The following EMID1 variants were observed in gnomAD, a reference collection of about 807,000 sequenced individuals.
EMID1 encodes the protein EMI domain containing 1.
EMID1 carries 40 observed loss-of-function variants against 60.6 expected under a neutral mutation model. The observed-to-expected ratio is 0.66, with a 90% CI of 0.51 to 0.86. The LOEUF (loss-of-function observed/expected upper bound fraction) is 0.86. Among genes scored for constraint, EMID1 ranks in the 40% least tolerant of loss-of-function variants. The pLI, the probability that EMID1 is intolerant of heterozygous loss-of-function variation, is 0.00. For synonymous variants in EMID1, 242 were observed against 231.0 expected, an observed-to-expected ratio of 1.05 and a Z score of -0.43; for missense variants, 585 against 597.1, an observed-to-expected ratio of 0.98 and a Z score of 0.21.
At chr22:29,223,123 T>C (rs963511790) in intron 3 of EMID1, among the ~76,000 whole-genome samples, 1 of 152,122 alleles carries the variant, frequency 6.6e-6, no homozygotes, top group Non-Finnish European at 1.5e-5. Context: ...ATGAGGCCCA[T>C]GAGGTCCTAC....
chr22:29,232,644 A>C, intron 8 of EMID1: 1 of 472,748 alleles, frequency 2.1e-6, no homozygotes, highest in Non-Finnish European at 3.7e-6. Context: ...ACGGCTTCAA[A>C]CCCAGGCTGC....
intron 5 of EMID1, among the ~76,000 whole-genome samples, chr22:29,227,781 C>T (rs901542784): frequency 1.3e-5 from 2 of 151,200 alleles, no homozygotes; most frequent in African/African-American, 2.4e-5. Context: ...TTTGAGAGGC[C>T]GAGCCGGGTG....
In EMID1 at chr22:29,234,152, ACT is replaced by A; in HGVS notation, c.983_984del (p.Thr328ArgfsTer36). On this transcript the variant is annotated frameshift_variant, in exon 11 of 15. Coordinates refer to ENST00000334018, the MANE Select transcript of EMID1 (RefSeq NM_133455.4). LOFTEE classifies it high-confidence loss of function. ...SPGHIGPPGPTGPKGISGHPG... is the reference protein window; with the variant it reads ...SPGHIGPPGPXGPKGISGHPG... ...TGTTGCTCAGGGACCCCCAGGCCCC[ACT>A]GGACCCAAAGGAATCTCTGGCCACC... The A allele has an allele frequency of 6.3e-7, 1 of 1,595,488 alleles. No individual in the cohort carries two copies. Among genetic ancestry groups the A allele is most frequent in the Admixed American group, 1.7e-5 (1 of 57,432 alleles).
chr22:29,236,629 T>G (rs575077633), intron 12 of EMID1, among the ~76,000 whole-genome samples: 4 of 151,880 alleles, frequency 2.6e-5, no homozygotes, highest in African/African-American at 9.7e-5. Flanking sequence ...AGGCGGAGGT[T>G]GCAGTGGGCC....
intron 3 of EMID1, chr22:29,216,311 C>T (rs1166839411): frequency 1.0e-6 from 1 of 985,316 alleles, no homozygotes; most frequent in African/African-American, 1.7e-5. Context: ...AGAACCCTCT[C>T]CTCTCCTCCA....
chr22:29,233,987 G>C, intron 10 of EMID1, 150 bp from the exon 11 acceptor site: 1 of 829,972 alleles, frequency 1.2e-6, no homozygotes, highest in Non-Finnish European at 1.9e-6. Context: ...ACACTGAGCT[G>C]TATGAACTGA....
chr22:29,232,417 G>C lies in EMID1; in HGVS notation c.823+15G>C, dbSNP rs1261661370. 1 of 1,546,906 alleles carries C rather than the reference G, an allele frequency of 6.5e-7. No individual in the cohort carries two copies. The highest frequency in any genetic ancestry group is 1.2e-5 in the South Asian group (1 of 82,356). On this transcript the variant is annotated intron_variant, in intron 8 of 14. Coordinates refer to ENST00000334018, the MANE Select transcript of EMID1 (RefSeq NM_133455.4). ...CTCCCAGCATGGTGAGTCCCCCTGG[G>C]ATCCCAGCAGGTGGAGGTGGGGGTG... is the stretch of plus-strand genomic sequence containing the variant.
chr22:29,232,164 C>G (rs1282585045), intron 7 of EMID1, 92 bp from the exon 8 acceptor site: 19 of 1,511,946 alleles, frequency 1.3e-5, no homozygotes, highest in Non-Finnish European at 1.6e-5. Flanking sequence ...CTCTCATGCC[C>G]ACTGCTCCAG....
intron 14 of EMID1, among the ~76,000 whole-genome samples, chr22:29,257,940 G>A (rs762817): frequency 5.7e-4 from 87 of 152,086 alleles, no homozygotes; most frequent in African/African-American, 2.0e-3. Context: ...TGTCTGCTCC[G>A]GGAGCCCTCA....
At chr22:29,225,349 C>A in intron 4 of EMID1, 133 bp downstream of exon 4, 1 of 909,466 alleles carries the variant, frequency 1.1e-6, no homozygotes, top group East Asian at 2.7e-5. Flanking sequence ...ACTATCTTCC[C>A]ACCCCATGCT....
intron 13 of EMID1, among the ~76,000 whole-genome samples, chr22:29,249,874 C>A (rs1480847676): frequency 6.6e-6 from 1 of 152,128 alleles, no homozygotes; most frequent in Non-Finnish European, 1.5e-5. Flanking sequence ...CTCAGCCTCC[C>A]AAAGTGCTGG....
chr22:29,220,584 C>T (rs936609079), intron 3 of EMID1, among the ~76,000 whole-genome samples: 2 of 120,356 alleles, frequency 1.7e-5, no homozygotes, highest in African/African-American at 6.4e-5. Flanking sequence ...CGGTTGTGAA[C>T]GAGGAAGCCC....
chr22:29,228,819 C>T (rs1447230884), intron 5 of EMID1, among the ~76,000 whole-genome samples: 1 of 152,128 alleles, frequency 6.6e-6, no homozygotes, highest in Non-Finnish European at 1.5e-5. Flanking sequence ...TGGTCCTGAA[C>T]TCTTGGCCTC....
intron 13 of EMID1, 148 bp downstream of exon 13, chr22:29,243,637 T>C (rs1415472922): frequency 3.1e-6 from 3 of 956,344 alleles, no homozygotes; most frequent in Non-Finnish European, 4.8e-6. Context: ...GCCTTGGCAA[T>C]TATCAGCCCC....
intron 3 of EMID1, among the ~76,000 whole-genome samples, chr22:29,217,807 C>G (rs2040141909): frequency 6.6e-6 from 1 of 152,192 alleles, no homozygotes; most frequent in Non-Finnish European, 1.5e-5. Flanking sequence ...CCAGGGGACC[C>G]TGGTCTCTGC....
intron 4 of EMID1, among the ~76,000 whole-genome samples, chr22:29,226,185 T>C (rs531171323): frequency 2.6e-4 from 40 of 152,282 alleles, no homozygotes; most frequent in African/African-American, 6.7e-4. Flanking sequence ...CCCCGCCCCA[T>C]TGCCATTTCT....
At chr22:29,251,960 A>G (rs2041543350) in intron 13 of EMID1, among the ~76,000 whole-genome samples, 1 of 152,062 alleles carries the variant, frequency 6.6e-6, no homozygotes, top group African/African-American at 2.4e-5. Flanking sequence ...CAGGACAGCT[A>G]CCGTGCCCAC....
intron 10 of EMID1, 59 bp from the exon 11 acceptor site, chr22:29,234,078 A>G (rs2040851443): frequency 1.3e-6 from 2 of 1,546,162 alleles, no homozygotes; most frequent in Non-Finnish European, 1.7e-6. Context: ...TCTGTTCCCA[A>G]GCCCCTGCCC....
At chr22:29,218,666 T>G (rs1038621645) in intron 3 of EMID1, among the ~76,000 whole-genome samples, 3 of 152,138 alleles carry the variant, frequency 2.0e-5, no homozygotes, top group Admixed American at 1.3e-4. Context: ...GTGGGCGCAA[T>G]GCCAGGGCCA....
Sources: gnomAD v4.1 joint callset for allele counts (sites outside exome capture counted in the v4.1 genomes callset) on GRCh38, gnomAD v4.1.1 for gene constraint, MANE v1.5 for transcripts, NCBI Gene and HGNC (gene_info 2026-07-23, HGNC 2026-07-21) for gene names.